ZNF37A: variants seen among roughly 807,000 people sequenced by gnomAD.
ZNF37A encodes zinc finger protein 37a (KOX 21).
ZNF37A carries 10 observed loss-of-function variants against 12.3 expected under a neutral mutation model. The ratio of observed to expected loss-of-function variants is 0.82; its 90% CI spans 0.50 to 1.38. The LOEUF (loss-of-function observed/expected upper bound fraction) is 1.38. ZNF37A is among the 40% of genes most tolerant of loss of function. ZNF37A has a pLI of 0.00. For missense variants in ZNF37A, 580 were observed against 651.2 expected (o/e 0.89, Z 1.19); for synonymous variants, 207 against 223.0 (o/e 0.93, Z 0.64).
chr10:38,098,411 T>TG (rs2067312397), intron 5 of ZNF37A, among the ~76,000 whole-genome samples: 1 of 152,256 alleles, frequency 6.6e-6, no homozygotes, highest in African/African-American at 2.4e-5. Context: ...AGCAGGGTGC[T>TG]TTGCAATCCA....
chr10:38,132,375 CCTTT>C (rs992976358), intron 7 of ZNF37A, among the ~76,000 whole-genome samples: 11 of 151,990 alleles, frequency 7.2e-5, no homozygotes, highest in African/African-American at 1.4e-4. Flanking sequence ...GGTTTTTCCC[CCTTT>C]CTTCTATTAA....
intron 5 of ZNF37A, among the ~76,000 whole-genome samples, chr10:38,097,936 T>TG (rs1226761339): frequency 5.3e-5 from 8 of 152,200 alleles, no homozygotes; most frequent in African/African-American, 1.7e-4. Flanking sequence ...ATAGTACCCT[T>TG]AATAAGCAGT....
At chr10:38,146,921 A>G (rs2136088170) in exon 8 of ZNF37A, 2 of 393,660 alleles carry the variant, frequency 5.1e-6, no homozygotes, top group Non-Finnish European at 9.0e-6. Flanking sequence ...TTTGACCCAC[A>G]TGTTTATTGA....
At position 38,115,270 on chromosome 10, in the gene ZNF37A, T is replaced by G. The variant is rs1166632001; in HGVS notation, c.218T>G (p.Phe73Cys). 3.1e-6 allele frequency: 5 copies of G among 1,613,544 alleles called. No homozygotes were observed. In the Admixed American group the frequency reaches 8.4e-5, roughly 27 times the overall value. The change falls in exon 7 of 8, where the codon TTT (phenylalanine) becomes TGT (cysteine). Residue 73 changes from phenylalanine (F) to cysteine (C), a missense_variant. Physicochemically the swap from Phe to Cys is radical, Grantham distance 205. Transcript: ENST00000685332. ...GEEPWILEEK[F>C]PSQSHLELIN... ...GAGCCATGGATATTAGAGGAAAAAT[T>G]TCCAAGCCAGAGTCATCTGGGTGAG...
At chr10:38,126,781 G>A (rs539642970), downstream of ZNF37A, among the ~76,000 whole-genome samples, 12 of 152,200 alleles carry the variant, frequency 7.9e-5, no homozygotes, top group South Asian at 1.5e-3. Flanking sequence ...AGAAATCTTC[G>A]CACACTTGTG....
At chr10:38,107,007 C>G (rs2068157018) in intron 5 of ZNF37A, among the ~76,000 whole-genome samples, 1 of 152,048 alleles carries the variant, frequency 6.6e-6, no homozygotes, top group Admixed American at 6.6e-5. Context: ...ACAGATAACA[C>G]CACAAAGATA....
At position 38,109,444 on chromosome 10, in the gene ZNF37A, C is replaced by T. The variant is rs1252919048; in HGVS notation, c.16-5311C>T. Among the ~76,000 whole-genome samples the T allele has an allele frequency of 4.6e-5, 7 of 152,260 alleles. No homozygotes were observed. In the South Asian group the frequency reaches 1.5e-3, roughly 32 times the overall value. On this transcript the variant is annotated intron_variant, in intron 5 of 7. Transcript: ENST00000685332. Reference sequence around the variant, plus strand: ...GAAAACCAGCACAAGACAAGGATGCCCTCTCTCACGACTCCTATTCAACAT... The same window carrying T: ...GAAAACCAGCACAAGACAAGGATGCTCTCTCTCACGACTCCTATTCAACAT...
At chr10:38,137,300 A>T (rs1026399342) in intron 7 of ZNF37A, 2 of 152,206 alleles carry the variant, frequency 1.3e-5, no homozygotes, top group African/African-American at 2.4e-5. Flanking sequence ...GCTTTAAAAA[A>T]TGTTTTATGG....
chr10:38,117,657 C>T lies in ZNF37A; in HGVS notation c.506C>T (p.Thr169Ile), dbSNP rs778034006. Residue 169 changes from threonine (T) to isoleucine (I), a missense_variant, in exon 8 of 8, where the codon ACA becomes ATA. Physicochemically the swap from Thr to Ile is moderately conservative, Grantham distance 89. Coordinates refer to ENST00000685332, the MANE Select transcript of ZNF37A (RefSeq NM_001324250.3). ...SLFLVHKRGYTGQKTCKYTEH... is the reference protein window; with the variant it reads ...SLFLVHKRGYIGQKTCKYTEH... ...TTCCTTGTACATAAGAGAGGTTACA[C>T]AGGACAGAAAACCTGCAAATATACT... The T allele has an allele frequency of 2.0e-5, 32 of 1,613,830 alleles. No homozygotes were observed. The African/African-American group carries it at 2.7e-4, about 13-fold the overall frequency.
rs1427556842 is a variant in ZNF37A at position 38,112,783 on chromosome 10, TTCTTTTCTTTTCTTG to T, written c.16-1967_16-1953del. Among the ~76,000 whole-genome samples the T allele has an allele frequency of 7.9e-3, 459 of 57,796 alleles. 33 individuals are homozygous for T. Among genetic ancestry groups the T allele is most frequent in the African/African-American group, 0.011 (179 of 16,290 alleles). The allele number at this position is 57,796 out of a possible 152,430, so 37.9% of individuals were successfully genotyped here. ...TTCTTTTCTTTTCTTTTCTTTTCTT[TTCTTTTCTTTTCTTG>T]TCTTGTCTTGTCTTCTTTTCTTTTC... is the stretch of plus-strand genomic sequence containing the variant. On this transcript the variant is annotated intron_variant, in intron 5 of 7. Coordinates refer to ENST00000685332, the MANE Select transcript of ZNF37A (RefSeq NM_001324250.3).
rs78879583 is a variant in ZNF37A at position 38,102,277 on chromosome 10, C to T, written c.15+5645C>T. Among the ~76,000 whole-genome samples, 74 of 151,766 alleles carry T rather than the reference C, an allele frequency of 4.9e-4. No individual in the cohort carries two copies. In the East Asian group the frequency reaches 0.014, roughly 28 times the overall value. On this transcript the variant is annotated intron_variant, in intron 5 of 7. Transcript: ENST00000685332. ...TTGTTTTCAGTTTTTCTGTGTATGCCTTCTTTTGTGTTTTTTTCTAACGTG... is the reference window on the plus strand; with the variant it reads ...TTGTTTTCAGTTTTTCTGTGTATGCTTTCTTTTGTGTTTTTTTCTAACGTG...
intron 5 of ZNF37A, among the ~76,000 whole-genome samples, chr10:38,097,007 T>C (rs2135849862): frequency 6.6e-6 from 1 of 152,318 alleles, no homozygotes; most frequent in Non-Finnish European, 1.5e-5. Context: ...CCTAAAATAT[T>C]TACTGTGAGA....
chr10:38,109,816 C>T (rs1564927661), intron 5 of ZNF37A, among the ~76,000 whole-genome samples: 1 of 152,142 alleles, frequency 6.6e-6, no homozygotes, highest in Non-Finnish European at 1.5e-5. Context: ...AGAAGAACTG[C>T]AAACCACTGC....
At chr10:38,146,961 T>C (rs2070263668) in exon 8 of ZNF37A, 7 of 387,042 alleles carry the variant, frequency 1.8e-5, no homozygotes, top group Admixed American at 1.3e-4. Flanking sequence ...ATTGTTTCTA[T>C]AGGTTATAGA....
In ZNF37A at chr10:38,123,191, G is replaced by C. The variant is rs2069814172; in HGVS notation, c.*4354G>C. Reference sequence around the variant, plus strand: ...TTGTGAGTACTCAGATTTTGTGAGGGGTGCTTGAGGTCATGGATACCCATT... The same window carrying C: ...TTGTGAGTACTCAGATTTTGTGAGGCGTGCTTGAGGTCATGGATACCCATT... On this transcript the variant is annotated 3_prime_UTR_variant, in exon 8 of 8. Transcript: ENST00000685332. The C allele has an allele frequency of 3.9e-5, 6 of 151,926 alleles. No individual in the cohort carries two copies. Among genetic ancestry groups the C allele is most frequent in the Admixed American group, 3.9e-4 (6 of 15,228 alleles). The allele number at this position is 151,926 out of a possible 1,614,324, so 9.4% of individuals were successfully genotyped here. A position where few individuals can be genotyped will look rare whatever the true frequency, so the allele number is the denominator to read the frequency against.
chr10:38,119,953 A>G lies in ZNF37A; in HGVS notation c.*1116A>G, dbSNP rs2069594418. On this transcript the variant is annotated 3_prime_UTR_variant, in exon 8 of 8. Coordinates refer to ENST00000685332, the MANE Select transcript of ZNF37A (RefSeq NM_001324250.3). The stretch of plus-strand genomic sequence containing the variant: ...CAACTTATGAGGATTAGTAGAAGAG[A>G]GTGGGTCCAGATTTCTGGTGGTTTC... The G allele has an allele frequency of 6.6e-6, 1 of 152,184 alleles. No individual in the cohort carries two copies. The highest frequency in any genetic ancestry group is 2.4e-5 in the African/African-American group (1 of 41,446). The allele number at this position is 152,184 out of a possible 1,614,324, so 9.4% of individuals were successfully genotyped here.
At chr10:38,110,767 CA>C (rs1332204529) in intron 5 of ZNF37A, among the ~76,000 whole-genome samples, 2 of 152,136 alleles carry the variant, frequency 1.3e-5, no homozygotes, top group African/African-American at 4.8e-5. Flanking sequence ...AAATGCAAAT[CA>C]AAACCACAAT....
chr10:38,104,456 G>GTTTTTTTTTTTTTTTTTTTT, intron 5 of ZNF37A, among the ~76,000 whole-genome samples: 1 of 144,864 alleles, frequency 6.9e-6, no homozygotes, highest in Non-Finnish European at 1.5e-5. Context: ...ATGCTGAGAG[G>GTTTTTTTTTTTTTTTTTTTT]TGTTTTTTGT....
chr10:38,112,740 CTTTTCTTTTCTTTTCTTT>C (rs2068840218), intron 5 of ZNF37A, among the ~76,000 whole-genome samples: 13 of 22,344 alleles, frequency 5.8e-4, no homozygotes, highest in African/African-American at 1.2e-3. Flanking sequence ...ATTTTCTTTT[CTTTTCTTTTCTTTTCTTT>C]TCTTTTCTTT....
Sources: allele counts gnomAD v4.1 joint callset (sites outside exome capture counted in the v4.1 genomes callset), GRCh38; gene constraint gnomAD v4.1.1; transcripts MANE v1.5; gene names NCBI Gene and HGNC (gene_info 2026-07-23, HGNC 2026-07-21).